Variants in PCDHA9 observed in about 807,000 individuals in gnomAD.
The protein encoded by PCDHA9 is protocadherin alpha-9.
Under a neutral mutation model 62.0 loss-of-function variants are expected in PCDHA9, and 62 were observed. The ratio of observed to expected loss-of-function variants is 1.00; its 90% CI spans 0.81 to 1.23. The LOEUF is 1.23. Among genes scored for constraint, PCDHA9 ranks in the 50% most tolerant of loss-of-function variants. The pLI is 0.00. For synonymous variants in PCDHA9, 557 were observed against 567.6 expected (o/e 0.98, Z 0.27); for missense variants, 1,205 against 1,249.8 (o/e 0.96, Z 0.54).
chr5:140,982,596 G>A, intron 3 of PCDHA9, 33 bp downstream of exon 3: 2 of 1,609,850 alleles, frequency 1.2e-6, no homozygotes, highest in South Asian at 2.2e-5. Flanking sequence ...TTCTTTCTTG[G>A]TTTCTGGAAA....
chr5:140,968,798 G>A, intron 1 of PCDHA9: 3 of 1,614,232 alleles, frequency 1.9e-6, no homozygotes, highest in Non-Finnish European at 2.5e-6. Context: ...GGCCATTACA[G>A]TAGCTGTGGT....
chr5:140,918,387 C>A (rs1554198606), intron 1 of PCDHA9, among the ~76,000 whole-genome samples: 1 of 152,142 alleles, frequency 6.6e-6, no homozygotes, highest in Non-Finnish European at 1.5e-5. Context: ...TTATTTCTTT[C>A]TCTTGCCTGA....
chr5:140,968,295 A>G lies in PCDHA9; in HGVS notation c.2395-10654A>G, dbSNP rs782722853. 4 of 1,613,916 alleles carry G rather than the reference A, an allele frequency of 2.5e-6. No homozygotes were observed. The Admixed American group carries it at 5.0e-5, about 20-fold the overall frequency. ...GCAGAGGTGACCTACTCCCTTCTGG[A>G]GAGGGAGATTCAAGGGCTGCCAGTC... On this transcript the variant is annotated intron_variant, in intron 1 of 3. Coordinates refer to ENST00000532602, the MANE Select transcript of PCDHA9 (RefSeq NM_031857.2).
At chr5:140,876,321 G>T (rs2153339560) in intron 1 of PCDHA9, 2 of 1,614,030 alleles carry the variant, frequency 1.2e-6, no homozygotes, top group East Asian at 2.2e-5. Context: ...GGATCAAAAT[G>T]ATTTTGCCAG....
At chr5:140,870,483 C>G (rs782740203) in intron 1 of PCDHA9, 10 of 1,614,240 alleles carry the variant, frequency 6.2e-6, no homozygotes, top group Middle Eastern at 1.6e-4. Context: ...CCGAGTACAC[C>G]GTGTTCGTGA....
chr5:140,951,551 A>C (rs246040), intron 1 of PCDHA9, among the ~76,000 whole-genome samples: 2 of 151,590 alleles, frequency 1.3e-5, no homozygotes, highest in African/African-American at 4.8e-5. Flanking sequence ...GACGGGGGGA[A>C]GTGCTACGCA....
intron 1 of PCDHA9, chr5:140,854,181 AGTTT>A (rs1554147112): frequency 9.2e-6 from 4 of 434,258 alleles, no homozygotes; most frequent in Non-Finnish European, 1.2e-5. Flanking sequence ...AAAAAAGAGT[AGTTT>A]AACTACTCCC....
chr5:140,924,105 C>T lies in PCDHA9; in HGVS notation c.2395-54844C>T, dbSNP rs140580566. ...AGGCAGAAAGAATAAATTTTCATTC[C>T]AAAGCAGTTAGCTTGCTTAGCAGCA... is the stretch of plus-strand genomic sequence containing the variant. On this transcript the variant is annotated intron_variant, in intron 1 of 3. Coordinates refer to ENST00000532602, the MANE Select transcript of PCDHA9 (RefSeq NM_031857.2). Among the ~76,000 whole-genome samples the T allele has an allele frequency of 8.5e-5, 13 of 152,262 alleles. No homozygotes were observed. The East Asian group carries it at 2.5e-3, about 29-fold the overall frequency.
intron 1 of PCDHA9, among the ~76,000 whole-genome samples, chr5:140,881,049 A>C (rs990514512): frequency 6.6e-6 from 1 of 152,238 alleles, no homozygotes; most frequent in Admixed American, 6.5e-5. Flanking sequence ...AGAGTTGTGC[A>C]CAGAACAGGC....
intron 1 of PCDHA9, chr5:140,869,085 G>C (rs1223648721): frequency 6.3e-7 from 1 of 1,583,562 alleles, no homozygotes; most frequent in Non-Finnish European, 8.6e-7. Flanking sequence ...GCTTATTTTG[G>C]AAGCCAATTT....
At chr5:140,917,170 G>A (rs1196393398) in intron 1 of PCDHA9, among the ~76,000 whole-genome samples, 1 of 152,184 alleles carries the variant, frequency 6.6e-6, no homozygotes, top group African/African-American at 2.4e-5. Context: ...AGGGGTGATG[G>A]TGGTGATCCC....
chr5:140,855,925 C>T, intron 1 of PCDHA9: 2 of 1,240,614 alleles, frequency 1.6e-6, no homozygotes, highest in Admixed American at 2.5e-5. Flanking sequence ...TAGGAAGTAG[C>T]GTCATTCTGA....
At chr5:140,985,847 C>T (rs1178290779) in intron 3 of PCDHA9, among the ~76,000 whole-genome samples, 4 of 150,300 alleles carry the variant, frequency 2.7e-5, no homozygotes, top group African/African-American at 7.3e-5. Context: ...TCATGCCACT[C>T]TCCTGCCTCA....
At chr5:140,943,509 A>G (rs1053319828) in intron 1 of PCDHA9, among the ~76,000 whole-genome samples, 1 of 152,132 alleles carries the variant, frequency 6.6e-6, no homozygotes, top group East Asian at 1.9e-4. Flanking sequence ...GGTTCATGGA[A>G]ATGTTGAGTT....
intron 1 of PCDHA9, among the ~76,000 whole-genome samples, chr5:140,938,727 GA>G (rs2092176789): frequency 6.6e-6 from 1 of 151,904 alleles, no homozygotes; most frequent in Admixed American, 6.6e-5. Flanking sequence ...CGTTTCTACA[GA>G]AAAAAATAAT....
chr5:140,928,955 T>A, intron 1 of PCDHA9: 1 of 1,614,024 alleles, frequency 6.2e-7, no homozygotes, highest in Middle Eastern at 1.6e-4. Context: ...GTAATTGCCT[T>A]GGCTTGTATT....
At chr5:140,854,018 C>T (rs1041101905) in intron 1 of PCDHA9, 6 of 346,140 alleles carry the variant, frequency 1.7e-5, no homozygotes, top group East Asian at 1.7e-4. Context: ...AAAAATTAGC[C>T]GGGCATGGTG....
At position 140,862,713 on chromosome 5, in the gene PCDHA9, C is replaced by A. The variant is rs573467283; in HGVS notation, c.2394+11824C>A. 517 of 561,852 alleles carry A rather than the reference C, an allele frequency of 9.2e-4. 1 individual carries two copies. The highest frequency in any genetic ancestry group is 1.7e-3 in the Non-Finnish European group (476 of 284,834). 34.8% of individuals were successfully genotyped at this position (561,852 alleles called of 1,614,324 possible). ...ACTCGTTGATGGAACAGCGGGTGGG[C>A]GAGTGCGCGCTGTCTAGCTATGTGT... On this transcript the variant is annotated intron_variant, in intron 1 of 3. Transcript: ENST00000532602.
intron 1 of PCDHA9, among the ~76,000 whole-genome samples, chr5:140,907,345 G>A (rs568376480): frequency 3.3e-5 from 5 of 152,296 alleles, no homozygotes; most frequent in East Asian, 1.9e-4. Flanking sequence ...GCATGAGCCC[G>A]CTGCTGCACT....
Sources: gnomAD v4.1 joint callset for allele counts (sites outside exome capture counted in the v4.1 genomes callset) on GRCh38, gnomAD v4.1.1 for gene constraint, MANE v1.5 for transcripts, NCBI Gene and HGNC (gene_info 2026-07-23, HGNC 2026-07-21) for gene names.